The following PCBP3 variants were observed in gnomAD, a reference collection of about 807,000 sequenced individuals.
The protein encoded by PCBP3 is poly(rC) binding protein 3, also known as poly(rC)-binding protein 3.
A neutral mutation model predicts 52.7 loss-of-function variants in PCBP3; 25 were observed. The ratio of observed to expected loss-of-function variants is 0.47; its 90% CI spans 0.35 to 0.66. The LOEUF (loss-of-function observed/expected upper bound fraction) is 0.66, where lower values mean the gene tolerates loss of function less well. Ranked by LOEUF, PCBP3 falls within the 30% of genes least tolerant of loss-of-function variation. PCBP3 has a pLI of 0.01. For missense variants in PCBP3, 391 were observed against 490.3 expected (o/e 0.80, Z 1.91); for synonymous variants, 162 against 183.0 (o/e 0.89, Z 0.93).
At chr21:45,672,858 C>T (rs538979106) in intron 2 of PCBP3, among the ~76,000 whole-genome samples, 6 of 152,282 alleles carry the variant, frequency 3.9e-5, no homozygotes, top group African/African-American at 7.2e-5. Flanking sequence ...TGTCTCTAGA[C>T]GCTTTCCTGT....
Position 45,924,243 on chromosome 21 carries a change from C to T in PCBP3, c.718-5674C>T, listed in dbSNP as rs867426264. On this transcript the variant is annotated intron_variant, in intron 13 of 17. Coordinates refer to ENST00000681687, the MANE Select transcript of PCBP3 (RefSeq NM_001384156.1). ...AGGAGATGTGAACACTGGGAACAGTCGCGTGGATAGAAACAGCACACGTAA... is the reference window on the plus strand; with the variant it reads ...AGGAGATGTGAACACTGGGAACAGTTGCGTGGATAGAAACAGCACACGTAA... 2.2e-4 allele frequency among the ~76,000 whole-genome samples: 31 copies of T among 140,874 alleles called. No homozygotes were observed. In the East Asian group the frequency reaches 2.8e-3, roughly 13 times the overall value. 92.4% of individuals were successfully genotyped at this position (140,874 alleles called of 152,430 possible). A position where few individuals can be genotyped will look rare whatever the true frequency, so the allele number is the denominator to read the frequency against.
rs746549555 is a variant in PCBP3 at position 45,929,910 on chromosome 21, A to G, written c.718-7A>G. 1.9e-6 allele frequency: 3 copies of G among 1,611,574 alleles called. No homozygotes were observed. Among genetic ancestry groups the G allele is most frequent in the Non-Finnish European group, 2.5e-6 (3 of 1,178,200 alleles). ...CCTTCTTAGCTCTCGTGTCCCTCCT[A>G]CCCCAGCAGTTGACCAAGCTCCACC... On this transcript the variant is annotated splice_polypyrimidine_tract_variant and splice_region_variant and intron_variant, in intron 13 of 17. Coordinates refer to ENST00000681687, the MANE Select transcript of PCBP3 (RefSeq NM_001384156.1).
intron 4 of PCBP3, among the ~76,000 whole-genome samples, chr21:45,790,549 C>T (rs943809262): frequency 6.6e-6 from 1 of 152,174 alleles, no homozygotes; most frequent in Admixed American, 6.5e-5. Flanking sequence ...CATCCGGGGG[C>T]GTCTGTGGAG....
rs905214728 is a variant in PCBP3 at position 45,893,122 on chromosome 21, G to A, written c.11-3086G>A. 5.9e-5 allele frequency among the ~76,000 whole-genome samples: 9 copies of A among 152,146 alleles called. No homozygotes were observed. In the South Asian group the frequency reaches 1.0e-3, roughly 17 times the overall value. On this transcript the variant is annotated intron_variant, in intron 5 of 17. Transcript: ENST00000681687. ...GGAGTCTCTAGGGAGGAGAAGTGCC[G>A]GGGGCTTTTACCCTCAGGGCCTATG...
intron 5 of PCBP3, among the ~76,000 whole-genome samples, chr21:45,876,488 C>T (rs1271373773): frequency 2.0e-5 from 3 of 152,164 alleles, no homozygotes; most frequent in East Asian, 1.9e-4. Flanking sequence ...TCTGCCTTGA[C>T]GCTGAGTAGC....
In PCBP3 at chr21:45,802,429, T is replaced by G. The variant is rs1015399056; in HGVS notation, c.-126+46977T>G. On this transcript the variant is annotated intron_variant, in intron 4 of 17. Transcript: ENST00000681687. The surrounding 1 kb of genome is among the most constrained non-coding windows in gnomAD (Gnocchi z 5.1). ...GCTTGTTCATTAAAAACAATTGTAC[T>G]TACTGAGTGCCTACGTTGTCCTGTG... Among the ~76,000 whole-genome samples, 2 of 152,072 alleles carry G rather than the reference T, an allele frequency of 1.3e-5. No homozygotes were observed. Among genetic ancestry groups the G allele is most frequent in the Non-Finnish European group, 2.9e-5 (2 of 67,940 alleles).
chr21:45,875,121 G>A (rs1447377879), intron 5 of PCBP3, among the ~76,000 whole-genome samples: 3 of 152,248 alleles, frequency 2.0e-5, no homozygotes, highest in African/African-American at 7.2e-5. Context: ...GGCTCAGGGC[G>A]TCCAGCGGCA....
rs532387881 is a variant in PCBP3 at position 45,787,012 on chromosome 21, T to C, written c.-126+31560T>C. On this transcript the variant is annotated intron_variant, in intron 4 of 17. Transcript: ENST00000681687. ...ATAAAGAATTTCCAGCTGTTGACCCTTCCCAACTGCTTCCCTCTCTGAGCC... is the reference window on the plus strand; with the variant it reads ...ATAAAGAATTTCCAGCTGTTGACCCCTCCCAACTGCTTCCCTCTCTGAGCC... Among the ~76,000 whole-genome samples the C allele has an allele frequency of 1.6e-4, 24 of 152,344 alleles. 1 individual carries two copies. In the East Asian group the frequency reaches 4.2e-3, roughly 27 times the overall value.
At position 45,800,765 on chromosome 21, in the gene PCBP3, T is replaced by G. The variant is rs1220872442; in HGVS notation, c.-126+45313T>G. 6.6e-6 allele frequency among the ~76,000 whole-genome samples: 1 copy of G among 152,222 alleles called. No homozygotes were observed. The highest frequency in any genetic ancestry group is 1.5e-5 in the Non-Finnish European group (1 of 68,030). On this transcript the variant is annotated intron_variant, in intron 4 of 17. Coordinates refer to ENST00000681687, the MANE Select transcript of PCBP3 (RefSeq NM_001384156.1). The surrounding 1 kb of genome is among the most constrained non-coding windows in gnomAD (Gnocchi z 5.3). ...CACAGCCCGGGAGGGAGGATGTCTTTCCCTGACCTCGTTTGTGTGGCCCTG... is the reference window on the plus strand; with the variant it reads ...CACAGCCCGGGAGGGAGGATGTCTTGCCCTGACCTCGTTTGTGTGGCCCTG...
intron 4 of PCBP3, among the ~76,000 whole-genome samples, chr21:45,793,091 A>G (rs1176824252): frequency 1.3e-5 from 2 of 152,214 alleles, no homozygotes; most frequent in African/African-American, 4.8e-5. Context: ...CGCTGGAGGG[A>G]AACCAGCAGC....
At chr21:45,909,710 CG>C (rs2096290523) in intron 10 of PCBP3, among the ~76,000 whole-genome samples, 2 of 149,292 alleles carry the variant, frequency 1.3e-5, no homozygotes, top group South Asian at 2.1e-4. Flanking sequence ...GATACGGACC[CG>C]GCCACCCACT....
chr21:45,886,935 G>A (rs886206711), intron 5 of PCBP3, among the ~76,000 whole-genome samples: 3 of 152,244 alleles, frequency 2.0e-5, no homozygotes, highest in African/African-American at 7.2e-5. Context: ...CCTTTGCTGC[G>A]TGGGTGGGGA....
chr21:45,886,771 G>C (rs923101400), intron 5 of PCBP3, among the ~76,000 whole-genome samples: 1 of 152,180 alleles, frequency 6.6e-6, no homozygotes, highest in Non-Finnish European at 1.5e-5. Flanking sequence ...TACTGACCCC[G>C]CATTGCCTCC....
chr21:45,826,048 T>C (rs8127791), intron 4 of PCBP3, among the ~76,000 whole-genome samples: 6,575 of 152,030 alleles, frequency 0.043, 325 homozygotes, highest in East Asian at 0.11. Flanking sequence ...AAGGCAAGGT[T>C]GGGAGTTTGA....
At chr21:45,939,256 G>A (rs967493501) in intron 16 of PCBP3, among the ~76,000 whole-genome samples, 2 of 152,334 alleles carry the variant, frequency 1.3e-5, no homozygotes, top group East Asian at 1.9e-4. Context: ...AAGGGACTCC[G>A]TTCCATCCAA....
At chr21:45,679,410 C>G (rs887102385) in intron 2 of PCBP3, among the ~76,000 whole-genome samples, 2 of 152,130 alleles carry the variant, frequency 1.3e-5, no homozygotes, top group Non-Finnish European at 2.9e-5. Context: ...TGTGAGCCAC[C>G]ACGCCTGGCC....
intron 4 of PCBP3, among the ~76,000 whole-genome samples, chr21:45,814,183 A>G (rs750534618): frequency 4.6e-5 from 7 of 152,266 alleles, no homozygotes; most frequent in African/African-American, 7.2e-5. Context: ...AAGTAAAAAT[A>G]CAGTATAAAA....
chr21:45,697,296 T>A (rs769652715), intron 2 of PCBP3, among the ~76,000 whole-genome samples: 2 of 152,220 alleles, frequency 1.3e-5, no homozygotes, highest in South Asian at 2.1e-4. Flanking sequence ...ATGGAACATA[T>A]GTACATTGGA....
rs1011067939 is a variant in PCBP3 at position 45,649,947 on chromosome 21, T to C, written c.-279+6079T>C. Among the ~76,000 whole-genome samples, 3 of 152,234 alleles carry C rather than the reference T, an allele frequency of 2.0e-5. No homozygotes were observed. In the South Asian group the frequency reaches 6.2e-4, roughly 32 times the overall value. ...TATTTAGATAATTTTAAGCTTTTTT[T>C]AAAAATCGTGATTGAGATGAGATAT... On this transcript the variant is annotated intron_variant, in intron 1 of 17. Transcript: ENST00000681687.
Sources: allele counts gnomAD v4.1 joint callset (sites outside exome capture counted in the v4.1 genomes callset), GRCh38; gene constraint gnomAD v4.1.1; non-coding constraint Gnocchi (gnomAD v3.1); transcripts MANE v1.5; gene names NCBI Gene and HGNC (gene_info 2026-07-23, HGNC 2026-07-21).